Variants in SLC6A12 observed in about 807,000 individuals in gnomAD.
SLC6A12 encodes solute carrier family 6 member 12.
In SLC6A12, 50 loss-of-function variants were observed where a neutral mutation model predicts 73.3. The ratio of observed to expected loss-of-function variants is 0.68; its 90% CI spans 0.54 to 0.86. The LOEUF (loss-of-function observed/expected upper bound fraction) is 0.86, where lower values mean the gene tolerates loss of function less well. SLC6A12 is among the 40% of genes least tolerant of loss of function. The pLI is 0.00. For missense variants in SLC6A12, 648 were observed against 772.8 expected (o/e 0.84, Z 1.92); for synonymous variants, 304 against 309.2 (o/e 0.98, Z 0.18).
Position 195,340 on chromosome 12 carries a change from C to G in SLC6A12, c.1327-13G>C. 1.3e-6 allele frequency: 2 copies of G among 1,561,398 alleles called. No homozygotes were observed. Among genetic ancestry groups the G allele is most frequent in the Non-Finnish European group, 1.8e-6 (2 of 1,131,962 alleles). ...TGTACATCCCGCCCTGTGGGGAGAG[C>G]GTGGAGCTGGGGCATGGCCAGTGCA... On this transcript the variant is annotated splice_polypyrimidine_tract_variant and intron_variant, in intron 12 of 15. Transcript: ENST00000684302.
chr12:186,378 A>G (rs1043908969), downstream of SLC6A12, among the ~76,000 whole-genome samples: 1 of 152,188 alleles, frequency 6.6e-6, no homozygotes, highest in Admixed American at 6.5e-5. Context: ...GGATCCAAGG[A>G]TAGGTATTAT....
intron 13 of SLC6A12, 47 bp downstream of exon 13, chr12:195,178 C>T (rs760498469): frequency 4.9e-6 from 6 of 1,232,534 alleles, no homozygotes; most frequent in Non-Finnish European, 4.8e-6. Flanking sequence ...GCTGGCTAGA[C>T]GGTCTTTCTC....
At position 200,695 on chromosome 12, in the gene SLC6A12, T is replaced by G; in HGVS notation, c.667A>C (p.Ile223Leu). 1 of 1,614,140 alleles carries G rather than the reference T, an allele frequency of 6.2e-7. No individual in the cohort carries two copies. Among genetic ancestry groups the G allele is most frequent in the Non-Finnish European group, 8.5e-7 (1 of 1,180,020 alleles). The change falls in exon 7 of 16, where the codon ATC becomes CTC. Residue 223 changes from isoleucine to leucine, a missense_variant. Physicochemically the swap from Ile to Leu is conservative, Grantham distance 5 (BLOSUM62 2). Transcript: ENST00000684302. ...LALCLLLAWV[I>L]CYFCIWKGVK... is the part of the protein sequence containing the mutation. ...CCCTTCCAGATGCAGAAATAGCAGA[T>G]GACCCAGGCGAGCAGGAGGCACAGG...
At chr12:204,849 G>C (rs1339804551) in intron 3 of SLC6A12, 151 bp from the exon 4 acceptor site, 14 of 782,344 alleles carry the variant, frequency 1.8e-5, no homozygotes, top group East Asian at 1.1e-4. Context: ...TCCTGCCTGC[G>C]TGCAGTCCTG....
chr12:208,362 C>T (rs1034201140), intron 3 of SLC6A12, among the ~76,000 whole-genome samples: 5 of 152,140 alleles, frequency 3.3e-5, no homozygotes, highest in South Asian at 2.1e-4. Context: ...AGCTTGTGAT[C>T]GCAACTATAA....
chr12:200,365 C>T (rs912099922), intron 7 of SLC6A12, among the ~76,000 whole-genome samples: 1 of 152,136 alleles, frequency 6.6e-6, no homozygotes, highest in African/African-American at 2.4e-5. Flanking sequence ...GCCTCGGCCT[C>T]CCAAAGTGCT....
intron 6 of SLC6A12, 49 bp from the exon 7 acceptor site, chr12:200,832 A>C (rs1191767968): frequency 6.3e-7 from 1 of 1,580,146 alleles, no homozygotes; most frequent in East Asian, 2.3e-5. Flanking sequence ...TAAAGGGGAC[A>C]GTTTGCGTCT....
intron 10 of SLC6A12, among the ~76,000 whole-genome samples, chr12:197,176 T>TCTA (rs1939950842): frequency 3.2e-5 from 2 of 62,690 alleles, no homozygotes; most frequent in Non-Finnish European, 3.8e-5. Flanking sequence ...CATCCATCCA[T>TCTA]CCATCCATCC....
At chr12:189,299 C>T (rs1939502832), downstream of SLC6A12, among the ~76,000 whole-genome samples, 1 of 152,164 alleles carries the variant, frequency 6.6e-6, no homozygotes, top group South Asian at 2.1e-4. Flanking sequence ...GCTGCGCCGG[C>T]CTCGCGTTTT....
Position 196,192 on chromosome 12 carries a change from GC to G in SLC6A12, c.1257del (p.Arg420GlyfsTer15). 5.7e-6 allele frequency: 9 copies of G among 1,587,452 alleles called. No individual in the cohort carries two copies. Among genetic ancestry groups the G allele is most frequent in the Non-Finnish European group, 7.7e-6 (9 of 1,168,196 alleles). ...ATGGTGAGGATGAGGAGCTCGCGCC[GC>G]CCGCTCTTCCGGAGCTGCCTGGGGA... ...DMFPRQLRKSGRRELLILTIA... is the reference protein window; with the variant it reads ...DMFPRQLRKSXRRELLILTIA... On this transcript the variant is annotated frameshift_variant, in exon 12 of 16. Coordinates refer to ENST00000684302, the MANE Select transcript of SLC6A12 (RefSeq NM_001122848.3). LOFTEE classifies it high-confidence loss of function.
Position 196,128 on chromosome 12 carries a change from G to A in SLC6A12, c.1322C>T (p.Thr441Ile). The change falls in exon 12 of 16, where the codon ACC (threonine) becomes ATC (isoleucine). Residue 441 changes from threonine (T) to isoleucine (I), a missense_variant. By Grantham distance (89) the Thr-to-Ile change is moderately conservative. Coordinates refer to ENST00000684302, the MANE Select transcript of SLC6A12 (RefSeq NM_001122848.3). ...AGGCCGGCGGCCGCAGCTCACCTCGGTGACCAGGAAAAGCCCTATCAGGTA... is the reference window on the plus strand; with the variant it reads ...AGGCCGGCGGCCGCAGCTCACCTCGATGACCAGGAAAAGCCCTATCAGGTA... The part of the protein sequence containing the change: ...MCYLIGLFLV[T>I]EGGMYIFQLF... 1 of 1,558,174 alleles carries A rather than the reference G, an allele frequency of 6.4e-7. No individual in the cohort carries two copies. The highest frequency in any genetic ancestry group is 8.7e-7 in the Non-Finnish European group (1 of 1,150,712).
Position 192,473 on chromosome 12 carries a change from C to T in SLC6A12, c.1701+5G>A, listed in dbSNP as rs1444710204. 6.2e-7 allele frequency: 1 copy of T among 1,613,772 alleles called. No homozygotes were observed. Among genetic ancestry groups the T allele is most frequent in the South Asian group, 1.1e-5 (1 of 91,048 alleles). On this transcript the variant is annotated splice_donor_5th_base_variant and intron_variant, in intron 15 of 15. Coordinates refer to ENST00000684302, the MANE Select transcript of SLC6A12 (RefSeq NM_001122848.3). ...TAAGAGGTCACTCTCCCCTACACCA[C>T]CTACCTTCCTGAAAGGACCCCGAGT...
At chr12:187,873 GAAGC>G (rs1662591442), downstream of SLC6A12, among the ~76,000 whole-genome samples, 1 of 152,106 alleles carries the variant, frequency 6.6e-6, no homozygotes. Flanking sequence ...CCCCACCAGA[GAAGC>G]TAGATACAGA....
At chr12:203,485 GGGGCGGCCC>G (rs1434265206) in intron 4 of SLC6A12, 4 of 152,252 alleles carry the variant, frequency 2.6e-5, no homozygotes, top group African/African-American at 4.8e-5. Flanking sequence ...CAGCGGCGTT[GGGGCGGCCC>G]GGGCGTCCGC....
At chr12:184,850 T>C in the SLC6A12 span, among the ~76,000 whole-genome samples, 6 of 151,952 alleles carry the variant, frequency 3.9e-5, no homozygotes, top group African/African-American at 1.5e-4. Flanking sequence ...GGAGAATCAC[T>C]TGAACCCAGG....
chr12:207,899 G>A (rs557449602), intron 3 of SLC6A12, among the ~76,000 whole-genome samples: 3 of 152,262 alleles, frequency 2.0e-5, no homozygotes, highest in South Asian at 4.2e-4. Flanking sequence ...AACCGGATCC[G>A]ATATTCCATA....
chr12:196,694 G>A, intron 11 of SLC6A12, 76 bp downstream of exon 11: 2 of 1,030,014 alleles, frequency 1.9e-6, no homozygotes, highest in South Asian at 1.3e-5. Context: ...GGGAGTGAGG[G>A]GAAAGTAGTC....
rs2137139870 is a variant in SLC6A12 at position 198,748 on chromosome 12, G to A, written c.846+49C>T. The stretch of plus-strand genomic sequence containing the variant: ...ACAAGACTTTCAAAACTACAGACCT[G>A]GCTGGGTGGGGAAGGCACCTGGGGA... On this transcript the variant is annotated intron_variant, in intron 8 of 15. Coordinates refer to ENST00000684302, the MANE Select transcript of SLC6A12 (RefSeq NM_001122848.3). The surrounding 1 kb of genome is among the most constrained non-coding windows in gnomAD (Gnocchi z 4.0). The A allele has an allele frequency of 1.9e-6, 3 of 1,590,186 alleles. No individual in the cohort carries two copies. The highest frequency in any genetic ancestry group is 2.2e-5 in the East Asian group (1 of 44,506).
downstream of SLC6A12, among the ~76,000 whole-genome samples, chr12:187,598 A>G (rs1437216063): frequency 0.018 from 142 of 7,944 alleles, 1 homozygote; most frequent in African/African-American, 0.026. Flanking sequence ...GCAAAAAAAA[A>G]AAAAAAAAAA....
Sources: allele counts gnomAD v4.1 joint callset (sites outside exome capture counted in the v4.1 genomes callset), GRCh38; gene constraint gnomAD v4.1.1; non-coding constraint Gnocchi (gnomAD v3.1); transcripts MANE v1.5; gene names NCBI Gene and HGNC (gene_info 2026-07-23, HGNC 2026-07-21).